Variants in SNRNP40 observed in about 807,000 individuals in gnomAD.
The protein encoded by SNRNP40 is small nuclear ribonucleoprotein U5 subunit 40.
A neutral mutation model predicts 45.8 loss-of-function variants in SNRNP40; 21 were observed. That is an observed-to-expected ratio of 0.46 (90% CI 0.32 to 0.66). The LOEUF is 0.66. Among genes scored for constraint, SNRNP40 ranks in the 30% least tolerant of loss-of-function variants. The pLI, the probability that SNRNP40 is intolerant of heterozygous loss-of-function variation, is 0.03. For synonymous variants in SNRNP40, 142 were observed against 163.8 expected (o/e 0.87, Z 1.01); for missense variants, 344 against 439.1 (o/e 0.78, Z 1.94).
At chr1:31,264,560 C>T (rs1319518684) in intron 8 of SNRNP40, among the ~76,000 whole-genome samples, 1 of 152,164 alleles carries the variant, frequency 6.6e-6, no homozygotes, top group African/African-American at 2.4e-5. Flanking sequence ...ATATTGATCT[C>T]ATAACTTTGT....
At chr1:31,271,167 T>C in intron 6 of SNRNP40, 1 of 471,782 alleles carries the variant, frequency 2.1e-6, no homozygotes, top group Non-Finnish European at 3.7e-6. Context: ...CCAATCTTCT[T>C]ATCAATGTAG....
At chr1:31,272,009 T>C (rs536876602) in intron 5 of SNRNP40, among the ~76,000 whole-genome samples, 23 of 152,300 alleles carry the variant, frequency 1.5e-4, no homozygotes, top group African/African-American at 5.3e-4. Flanking sequence ...GCATATCAAA[T>C]GTTAAGATAA....
chr1:31,290,585 C>T (rs1646097447), intron 3 of SNRNP40, among the ~76,000 whole-genome samples: 1 of 152,156 alleles, frequency 6.6e-6, no homozygotes, highest in Admixed American at 6.6e-5. Context: ...TAAGATTGTA[C>T]ACACAGTTCT....
At chr1:31,279,970 T>C (rs1369548332) in intron 5 of SNRNP40, among the ~76,000 whole-genome samples, 2 of 150,734 alleles carry the variant, frequency 1.3e-5, no homozygotes, top group African/African-American at 4.9e-5. Flanking sequence ...TAGCTGGGCA[T>C]GGTGGCACGT....
chr1:31,283,216 T>A (rs1314342088), intron 4 of SNRNP40, among the ~76,000 whole-genome samples: 3 of 152,186 alleles, frequency 2.0e-5, no homozygotes, highest in African/African-American at 7.2e-5. Context: ...AGGAAACTTG[T>A]GTCATTCACT....
At chr1:31,266,437 A>C (rs1157285944) in intron 8 of SNRNP40, among the ~76,000 whole-genome samples, 1 of 152,176 alleles carries the variant, frequency 6.6e-6, no homozygotes, top group Non-Finnish European at 1.5e-5. Flanking sequence ...ATTGTTCTTT[A>C]CCAGGCCTCA....
chr1:31,271,588 G>A, intron 5 of SNRNP40, 89 bp from the exon 6 acceptor site: 1 of 1,230,928 alleles, frequency 8.1e-7, no homozygotes, highest in Non-Finnish European at 1.1e-6. Flanking sequence ...ATTGCCCAGA[G>A]ACACTGATAT....
chr1:31,291,856 G>T, intron 3 of SNRNP40, 57 bp downstream of exon 3: 1 of 1,211,716 alleles, frequency 8.3e-7, no homozygotes, highest in South Asian at 1.2e-5. Flanking sequence ...GATGAAAGGT[G>T]AAAGGACGCC....
chr1:31,280,928 T>C (rs1296659053), intron 5 of SNRNP40, among the ~76,000 whole-genome samples: 3 of 152,198 alleles, frequency 2.0e-5, no homozygotes, highest in Non-Finnish European at 4.4e-5. Context: ...ATATGGTCTA[T>C]TGCCTCTTTA....
chr1:31,291,330 A>C (rs1278351879), intron 3 of SNRNP40, among the ~76,000 whole-genome samples: 1 of 150,958 alleles, frequency 6.6e-6, no homozygotes, highest in Non-Finnish European at 1.5e-5. Flanking sequence ...GAGTGGTAGA[A>C]ATATAGACTA....
At chr1:31,274,659 A>AC (rs1557675943) in intron 5 of SNRNP40, among the ~76,000 whole-genome samples, 1 of 150,822 alleles carries the variant, frequency 6.6e-6, no homozygotes, top group East Asian at 1.9e-4. Flanking sequence ...AAAAAAAAAA[A>AC]AAAAAACCAA....
chr1:31,273,832 C>A (rs188873605), intron 5 of SNRNP40, among the ~76,000 whole-genome samples: 30 of 152,118 alleles, frequency 2.0e-4, no homozygotes, highest in Admixed American at 7.2e-4. Context: ...TAATGACAGG[C>A]CTATGCAAGG....
intron 2 of SNRNP40, among the ~76,000 whole-genome samples, chr1:31,292,439 T>C (rs911929076): frequency 6.6e-6 from 1 of 152,216 alleles, no homozygotes; most frequent in Non-Finnish European, 1.5e-5. Flanking sequence ...ATAATTCATA[T>C]ATGTTCTGCA....
intron 4 of SNRNP40, among the ~76,000 whole-genome samples, chr1:31,285,620 C>T (rs4949377): frequency 0.2 from 29,976 of 151,990 alleles, 3,178 homozygotes; most frequent in South Asian, 0.26. Flanking sequence ...TCAAGAAATA[C>T]AGATACACTA....
intron 5 of SNRNP40, among the ~76,000 whole-genome samples, chr1:31,279,539 G>A (rs898082285): frequency 6.6e-6 from 1 of 152,106 alleles, no homozygotes; most frequent in African/African-American, 2.4e-5. Context: ...CCTGAGGTCA[G>A]GAGTTCGAGA....
Position 31,289,319 on chromosome 1 carries a change from A to G in SNRNP40, c.466T>C (p.Ser156Pro). 1 of 1,614,058 alleles carries G rather than the reference A, an allele frequency of 6.2e-7. No individual in the cohort carries two copies. Among genetic ancestry groups the G allele is most frequent in the Non-Finnish European group, 8.5e-7 (1 of 1,179,894 alleles). The change falls in exon 4 of 10, where the codon TCC becomes CCC. Residue 156 changes from serine (S) to proline (P), a missense_variant. Ser to Pro is a moderately conservative substitution (Grantham distance 74, BLOSUM62 -1). Coordinates refer to ENST00000263694, the MANE Select transcript of SNRNP40 (RefSeq NM_004814.3). ...RLKGHTSFVN[S>P]CYPARRGPQL... is the part of the protein sequence containing the mutation. ...GGGCCTCTCCTGGCTGGATAACAGG[A>G]ATTCACAAAGGAAGTATGTCCCTTT...
At chr1:31,293,056 C>A (rs1192252006) in intron 2 of SNRNP40, 163 bp downstream of exon 2, 4 of 691,784 alleles carry the variant, frequency 5.8e-6, no homozygotes, top group Non-Finnish European at 4.8e-6. Flanking sequence ...AAGTTCTACA[C>A]CCAAGATCAT....
chr1:31,275,659 G>C (rs938485392), intron 5 of SNRNP40, among the ~76,000 whole-genome samples: 1 of 152,192 alleles, frequency 6.6e-6, no homozygotes, highest in Non-Finnish European at 1.5e-5. Flanking sequence ...CAAAGTACTA[G>C]GATAACAGGC....
At chr1:31,279,049 C>CAA (rs140037725) in intron 5 of SNRNP40, among the ~76,000 whole-genome samples, 1 of 147,546 alleles carries the variant, frequency 6.8e-6, no homozygotes, top group African/African-American at 2.6e-5. Context: ...ATACAAAAAA[C>CAA]AAAAAAAAAA....
Sources: gnomAD v4.1 joint callset for allele counts (sites outside exome capture counted in the v4.1 genomes callset) on GRCh38, gnomAD v4.1.1 for gene constraint, MANE v1.5 for transcripts, NCBI Gene and HGNC (gene_info 2026-07-23, HGNC 2026-07-21) for gene names.